XRCC4: variants seen among roughly 807,000 people sequenced by gnomAD.
The protein encoded by XRCC4 is X-ray repair cross complementing 4.
XRCC4 carries 28 observed loss-of-function variants against 39.1 expected under a neutral mutation model. That is an observed-to-expected ratio of 0.72 (90% CI 0.53 to 0.98). XRCC4 has a LOEUF of 0.98. Ranked by LOEUF, XRCC4 falls within the 50% of genes least tolerant of loss-of-function variation. The pLI is 0.00. For synonymous variants in XRCC4, 123 were observed against 126.4 expected (o/e 0.97, Z 0.18); for missense variants, 350 against 376.4 (o/e 0.93, Z 0.58).
rs542145263 is a variant in XRCC4 at position 83,109,820 on chromosome 5, A to T, written c.140-1208A>T. Reference sequence around the variant, plus strand: ...GGCTTCAGACCTCTTAGGGAATTGGAGTTGAGCTCTCAGCATAAAGAAAGG... The same window carrying T: ...GGCTTCAGACCTCTTAGGGAATTGGTGTTGAGCTCTCAGCATAAAGAAAGG... On this transcript the variant is annotated intron_variant, in intron 2 of 7. Transcript: ENST00000396027. Among the ~76,000 whole-genome samples, 5 of 152,074 alleles carry T rather than the reference A, an allele frequency of 3.3e-5. No homozygotes were observed. The South Asian group carries it at 8.3e-4, about 25-fold the overall frequency.
intron 7 of XRCC4, among the ~76,000 whole-genome samples, chr5:83,270,341 A>G (rs749560618): frequency 7.2e-5 from 11 of 152,178 alleles, no homozygotes; most frequent in Non-Finnish European, 1.2e-4. Flanking sequence ...CCTTAAATTT[A>G]AGAGTTATCT....
rs141591656 is a variant in XRCC4 at position 83,229,785 on chromosome 5, A to T, written c.745+24864A>T. On this transcript the variant is annotated intron_variant, in intron 6 of 7. Transcript: ENST00000396027. ...TTTGGTCTTTAATATGGTAGTTGAT[A>T]TGCAGTTTCAGTCTCATTAAATACT... Among the ~76,000 whole-genome samples, 80 of 150,388 alleles carry T rather than the reference A, an allele frequency of 5.3e-4. 2 individuals carry two copies. In the East Asian group the frequency reaches 0.01, roughly 19 times the overall value.
intron 3 of XRCC4, among the ~76,000 whole-genome samples, chr5:83,139,261 TG>T (rs1217804754): frequency 1.6e-4 from 24 of 152,162 alleles, no homozygotes; most frequent in Non-Finnish European, 3.5e-4. Flanking sequence ...TCCTTCACTT[TG>T]GATTTTTCCT....
At chr5:83,268,162 A>G (rs953836647) in intron 7 of XRCC4, among the ~76,000 whole-genome samples, 5 of 152,190 alleles carry the variant, frequency 3.3e-5, no homozygotes, top group Non-Finnish European at 7.4e-5. Flanking sequence ...TTGGTGTAAT[A>G]GTGAATGTGA....
intron 7 of XRCC4, among the ~76,000 whole-genome samples, chr5:83,276,070 A>T (rs1245210971): frequency 6.6e-6 from 1 of 152,154 alleles, no homozygotes; most frequent in African/African-American, 2.4e-5. Context: ...TGACTTTATG[A>T]TGGTACAAAA....
chr5:83,130,639 A>C (rs1419666470), intron 3 of XRCC4, among the ~76,000 whole-genome samples: 1 of 152,098 alleles, frequency 6.6e-6, no homozygotes, highest in African/African-American at 2.4e-5. Context: ...TATTGCCTCA[A>C]TTTCAGAACC....
At chr5:83,362,204 T>A in the XRCC4 span, among the ~76,000 whole-genome samples, 1 of 148,910 alleles carries the variant, frequency 6.7e-6, no homozygotes, top group Non-Finnish European at 1.5e-5. Context: ...TGAAGTAATA[T>A]GATTATCAAA....
chr5:83,289,410 G>A (rs1754839368), intron 7 of XRCC4, among the ~76,000 whole-genome samples: 1 of 151,800 alleles, frequency 6.6e-6, no homozygotes, highest in Admixed American at 6.6e-5. Context: ...TGTTCATTTG[G>A]GTAAGAATTG....
chr5:83,112,079 A>G (rs1159069854), intron 3 of XRCC4, among the ~76,000 whole-genome samples: 3 of 152,188 alleles, frequency 2.0e-5, no homozygotes, highest in South Asian at 4.1e-4. Flanking sequence ...GTCATTATAA[A>G]TTTATATTAT....
At chr5:83,116,945 T>C (rs894941686) in intron 3 of XRCC4, among the ~76,000 whole-genome samples, 1 of 152,136 alleles carries the variant, frequency 6.6e-6, no homozygotes, top group South Asian at 2.1e-4. Context: ...TCTAATGTAG[T>C]GAAATATTTA....
chr5:83,134,034 C>T (rs1338950108), intron 3 of XRCC4, among the ~76,000 whole-genome samples: 3 of 152,200 alleles, frequency 2.0e-5, no homozygotes, highest in African/African-American at 4.8e-5. Context: ...GGGCAAGCGC[C>T]GCAGTCTTCA....
chr5:83,306,502 A>G (rs1158052019), intron 7 of XRCC4, among the ~76,000 whole-genome samples: 1 of 21,966 alleles, frequency 4.6e-5, no homozygotes, highest in Non-Finnish European at 7.7e-5. Context: ...AGAATTGTAT[A>G]CTTTTCCCAA....
At chr5:83,123,081 A>G (rs1292356988) in intron 3 of XRCC4, among the ~76,000 whole-genome samples, 1 of 152,116 alleles carries the variant, frequency 6.6e-6, no homozygotes, top group Non-Finnish European at 1.5e-5. Context: ...TAAGTTTTCT[A>G]TATTCTTGCT....
intron 7 of XRCC4, among the ~76,000 whole-genome samples, chr5:83,347,484 G>C (rs1452745629): frequency 6.6e-6 from 1 of 152,164 alleles, no homozygotes; most frequent in South Asian, 2.1e-4. Context: ...GAGAGAGAGA[G>C]CAAAAGGGGA....
At chr5:83,136,451 AGTTGT>A (rs1189654526) in intron 3 of XRCC4, among the ~76,000 whole-genome samples, 1 of 152,194 alleles carries the variant, frequency 6.6e-6, no homozygotes, top group Non-Finnish European at 1.5e-5. Flanking sequence ...ACTTGTTGAA[AGTTGT>A]GTTGCTCCTC....
intron 1 of XRCC4, among the ~76,000 whole-genome samples, chr5:83,096,715 A>C (rs1745694929): frequency 6.6e-6 from 1 of 152,194 alleles, no homozygotes; most frequent in African/African-American, 2.4e-5. Flanking sequence ...GTGTTTTGAA[A>C]AACAATATGA....
intron 4 of XRCC4, among the ~76,000 whole-genome samples, chr5:83,198,930 T>C (rs925795851): frequency 2.0e-5 from 3 of 152,172 alleles, no homozygotes; most frequent in African/African-American, 7.2e-5. Context: ...TTCATGGGTT[T>C]TCTACTTAAT....
At chr5:83,103,004 G>A (rs1354931902) in intron 1 of XRCC4, among the ~76,000 whole-genome samples, 5 of 30,932 alleles carry the variant, frequency 1.6e-4, no homozygotes, top group South Asian at 1.3e-3. Flanking sequence ...AGTAAAGATA[G>A]AGCTGATATA....
intron 3 of XRCC4, among the ~76,000 whole-genome samples, chr5:83,143,492 C>T (rs892749565): frequency 1.3e-5 from 2 of 152,122 alleles, no homozygotes; most frequent in African/African-American, 4.8e-5. Flanking sequence ...AAGCAACATT[C>T]TAACATTCTG....
Sources: allele counts gnomAD v4.1 joint callset (sites outside exome capture counted in the v4.1 genomes callset), GRCh38; gene constraint gnomAD v4.1.1; transcripts MANE v1.5; gene names NCBI Gene and HGNC (gene_info 2026-07-23, HGNC 2026-07-21).